NIM1K: variants seen among roughly 807,000 people sequenced by gnomAD.
The protein encoded by NIM1K is serine/threonine-protein kinase NIM1.
Under a neutral mutation model 37.1 loss-of-function variants are expected in NIM1K, and 35 were observed. That is an observed-to-expected ratio of 0.94 (90% CI 0.72 to 1.25). NIM1K has a LOEUF of 1.25. NIM1K is among the 50% of genes most tolerant of loss of function. The probability of loss-of-function intolerance (pLI) is 0.00; values close to 1 mark genes in which losing one functional copy is unlikely to be tolerated. For missense variants in NIM1K, 564 were observed against 548.0 expected, an observed-to-expected ratio of 1.03 and a Z score of -0.29; for synonymous variants, 234 against 206.6, an observed-to-expected ratio of 1.13 and a Z score of -1.14.
intron 3 of NIM1K, among the ~76,000 whole-genome samples, chr5:43,279,741 A>G (rs1028526531): frequency 1.3e-5 from 2 of 152,220 alleles, no homozygotes; most frequent in African/African-American, 4.8e-5. Flanking sequence ...TTCTGAGTCC[A>G]CATGTGTGGA....
At chr5:43,278,868 T>A (rs1432246878) in intron 3 of NIM1K, among the ~76,000 whole-genome samples, 1 of 152,208 alleles carries the variant, frequency 6.6e-6, no homozygotes, top group African/African-American at 2.4e-5. Flanking sequence ...TGGTGGTGGA[T>A]GTTTCAGACC....
At chr5:43,258,118 T>A (rs1231116781) in intron 2 of NIM1K, among the ~76,000 whole-genome samples, 1 of 152,186 alleles carries the variant, frequency 6.6e-6, no homozygotes, top group African/African-American at 2.4e-5. Context: ...CTCTACATCC[T>A]GAAGTGTAAC....
chr5:43,266,655 T>C (rs1337389139), intron 2 of NIM1K, among the ~76,000 whole-genome samples: 1 of 152,210 alleles, frequency 6.6e-6, no homozygotes, highest in Non-Finnish European at 1.5e-5. Flanking sequence ...ATGAACGCGG[T>C]ACCTCAGTTG....
At chr5:43,278,322 G>A (rs1753385592) in intron 3 of NIM1K, among the ~76,000 whole-genome samples, 1 of 152,160 alleles carries the variant, frequency 6.6e-6, no homozygotes, top group Non-Finnish European at 1.5e-5. Flanking sequence ...TGGGATTACA[G>A]GCGTGAGCCA....
intron 1 of NIM1K, among the ~76,000 whole-genome samples, chr5:43,227,869 G>C (rs1252131562): frequency 6.6e-6 from 1 of 152,090 alleles, no homozygotes; most frequent in East Asian, 1.9e-4. Context: ...TCTCAGAAGG[G>C]CAGGGCTGGA....
intron 2 of NIM1K, among the ~76,000 whole-genome samples, chr5:43,273,737 G>C (rs1330980936): frequency 2.0e-5 from 3 of 152,138 alleles, no homozygotes; most frequent in African/African-American, 7.2e-5. Context: ...CAGCACACTT[G>C]CCAAGCTCCT....
chr5:43,209,680 G>A (rs973533161), intron 1 of NIM1K, among the ~76,000 whole-genome samples: 2 of 151,912 alleles, frequency 1.3e-5, no homozygotes, highest in African/African-American at 4.8e-5. Flanking sequence ...GTGCAGTGGC[G>A]TGATGTCAGC....
intron 1 of NIM1K, among the ~76,000 whole-genome samples, chr5:43,221,806 T>A (rs2112231167): frequency 6.6e-6 from 1 of 152,322 alleles, no homozygotes; most frequent in African/African-American, 2.4e-5. Context: ...AGGTTACAGT[T>A]CACTATTACA....
intron 1 of NIM1K, among the ~76,000 whole-genome samples, chr5:43,244,466 A>T (rs1415379563): frequency 6.6e-6 from 1 of 152,208 alleles, no homozygotes; most frequent in Non-Finnish European, 1.5e-5. Flanking sequence ...TCCCGATGAC[A>T]TCGTAGGTGG....
chr5:43,246,954 C>T (rs1216403515), intron 2 of NIM1K, among the ~76,000 whole-genome samples: 5 of 152,178 alleles, frequency 3.3e-5, no homozygotes, highest in Non-Finnish European at 7.3e-5. Context: ...ACTCTACCGT[C>T]TCCCTAGAGT....
At chr5:43,199,684 A>G (rs1225744597) in intron 1 of NIM1K, among the ~76,000 whole-genome samples, 3 of 152,158 alleles carry the variant, frequency 2.0e-5, no homozygotes, top group African/African-American at 4.8e-5. Flanking sequence ...AGCTATCCCT[A>G]TCTTTGAGGG....
intron 1 of NIM1K, among the ~76,000 whole-genome samples, chr5:43,237,554 C>G (rs78814121): frequency 6.6e-6 from 1 of 152,114 alleles, no homozygotes; most frequent in African/African-American, 2.4e-5. Flanking sequence ...TGATCACTTC[C>G]GTTATTTGCT....
chr5:43,206,662 A>G (rs1041967263), intron 1 of NIM1K: 97 of 686,634 alleles, frequency 1.4e-4, no homozygotes, highest in Non-Finnish European at 2.2e-5. Flanking sequence ...TCGGCCCCCC[A>G]GTCTCCCAAG....
intron 2 of NIM1K, among the ~76,000 whole-genome samples, chr5:43,274,353 T>G (rs10053374): frequency 1 from 152,047 of 152,314 alleles, 75,891 homozygotes; most frequent in Middle Eastern, 1. Context: ...ACAGGGAGGA[T>G]GGGGCAGCAG....
intron 1 of NIM1K, among the ~76,000 whole-genome samples, chr5:43,218,440 G>A (rs1257292151): frequency 6.6e-6 from 1 of 152,204 alleles, no homozygotes; most frequent in Non-Finnish European, 1.5e-5. Flanking sequence ...AAGAAGCATG[G>A]TAACATCATC....
chr5:43,216,980 T>C (rs980868787), intron 1 of NIM1K, among the ~76,000 whole-genome samples: 1 of 152,242 alleles, frequency 6.6e-6, no homozygotes, highest in Non-Finnish European at 1.5e-5. Context: ...TATTGAGATA[T>C]AATTCAGATA....
chr5:43,227,456 C>A (rs933851466), intron 1 of NIM1K, among the ~76,000 whole-genome samples: 14 of 152,166 alleles, frequency 9.2e-5, no homozygotes, highest in African/African-American at 3.4e-4. Context: ...AACAATATTT[C>A]TTATACTAGA....
intron 1 of NIM1K, among the ~76,000 whole-genome samples, chr5:43,229,043 G>T (rs188235772): frequency 1.3e-5 from 2 of 152,160 alleles, no homozygotes; most frequent in East Asian, 3.9e-4. Context: ...ACAATAACAC[G>T]CTTACTTGCT....
intron 1 of NIM1K, among the ~76,000 whole-genome samples, chr5:43,230,650 G>A (rs1274091737): frequency 1.3e-5 from 2 of 152,108 alleles, no homozygotes; most frequent in Non-Finnish European, 2.9e-5. Context: ...ATATTTGGGG[G>A]GCAGGGCCTA....
Sources: allele counts gnomAD v4.1 joint callset (sites outside exome capture counted in the v4.1 genomes callset), GRCh38; gene constraint gnomAD v4.1.1; transcripts MANE v1.5; gene names NCBI Gene and HGNC (gene_info 2026-07-23, HGNC 2026-07-21).